GRK5: variants seen among roughly 807,000 people sequenced by gnomAD.
The protein encoded by GRK5 is g protein-coupled receptor kinase GRK5.
A neutral mutation model predicts 78.4 loss-of-function variants in GRK5; 40 were observed. The ratio of observed to expected loss-of-function variants is 0.51; its 90% CI spans 0.40 to 0.66. The LOEUF (loss-of-function observed/expected upper bound fraction) is 0.66. Ranked by LOEUF, GRK5 falls within the 30% of genes least tolerant of loss-of-function variation. GRK5 has a pLI of 0.00. For synonymous variants in GRK5, 289 were observed against 296.8 expected (o/e 0.97, Z 0.27); for missense variants, 598 against 759.9 (o/e 0.79, Z 2.50).
chr10:119,402,506 A>G (rs1852167001), intron 4 of GRK5, among the ~76,000 whole-genome samples: 2 of 152,214 alleles, frequency 1.3e-5, no homozygotes, highest in African/African-American at 4.8e-5. Context: ...AATAATAATA[A>G]TAAGTGAAAA....
chr10:119,438,737 C>T (rs752744871), intron 9 of GRK5, among the ~76,000 whole-genome samples: 1 of 152,262 alleles, frequency 6.6e-6, no homozygotes, highest in Non-Finnish European at 1.5e-5. Flanking sequence ...AGTGAGCTGC[C>T]ATGCTAGCCT....
chr10:119,394,229 TGG>T (rs1851949620), intron 3 of GRK5, among the ~76,000 whole-genome samples: 1 of 145,474 alleles, frequency 6.9e-6, no homozygotes, highest in African/African-American at 2.5e-5. Flanking sequence ...CGTGTGGGTG[TGG>T]GTGTGTGGGT....
At chr10:119,439,490 C>T (rs1467301589) in intron 9 of GRK5, among the ~76,000 whole-genome samples, 1 of 152,254 alleles carries the variant, frequency 6.6e-6, no homozygotes, top group Non-Finnish European at 1.5e-5. Flanking sequence ...CTAACTTTCC[C>T]AGTCACCCTC....
intron 2 of GRK5, among the ~76,000 whole-genome samples, chr10:119,365,389 T>C (rs947597698): frequency 2.0e-5 from 3 of 152,186 alleles, no homozygotes; most frequent in African/African-American, 7.2e-5. Context: ...GAGACAGCCC[T>C]TGAAGATTTA....
intron 1 of GRK5, among the ~76,000 whole-genome samples, chr10:119,288,984 A>G (rs1441109706): frequency 2.0e-5 from 3 of 152,130 alleles, no homozygotes; most frequent in African/African-American, 7.2e-5. Context: ...GAGTCTGTTT[A>G]TTTTTCAAGA....
At chr10:119,425,722 G>A (rs919231771) in intron 6 of GRK5, among the ~76,000 whole-genome samples, 4 of 152,236 alleles carry the variant, frequency 2.6e-5, no homozygotes, top group African/African-American at 9.6e-5. Context: ...CTTCCTTGTT[G>A]CTTATTTTCT....
At chr10:119,268,162 G>C (rs75529647) in intron 1 of GRK5, among the ~76,000 whole-genome samples, 3,011 of 152,328 alleles carry the variant, frequency 0.02, 57 homozygotes, top group Admixed American at 0.052. Flanking sequence ...GAAATTTTCT[G>C]TATTGGTTGT....
At chr10:119,309,979 T>C (rs1028353163) in intron 1 of GRK5, among the ~76,000 whole-genome samples, 1 of 152,130 alleles carries the variant, frequency 6.6e-6, no homozygotes, top group African/African-American at 2.4e-5. Context: ...GCCCAGAGAC[T>C]GTGGAGGTGG....
chr10:119,215,592 A>T, intron 1 of GRK5, among the ~76,000 whole-genome samples: 1 of 148,796 alleles, frequency 6.7e-6, no homozygotes, highest in South Asian at 2.2e-4. Flanking sequence ...GGACTGACTC[A>T]CCTAAGAGGA....
chr10:119,208,782 TCTTC>T (rs766974503), intron 1 of GRK5: 2 of 152,188 alleles, frequency 1.3e-5, no homozygotes, highest in Non-Finnish European at 2.9e-5. Flanking sequence ...ATATTTTGAC[TCTTC>T]CTTTTGATGA....
At chr10:119,289,362 G>A (rs1055298162) in intron 1 of GRK5, among the ~76,000 whole-genome samples, 1 of 152,146 alleles carries the variant, frequency 6.6e-6, no homozygotes, top group Admixed American at 6.5e-5. Flanking sequence ...CCAGCTAAGG[G>A]CTGTAAACAA....
At position 119,273,958 on chromosome 10, in the gene GRK5, G is replaced by A. The variant is rs192798498; in HGVS notation, c.53-52558G>A. Among the ~76,000 whole-genome samples the A allele has an allele frequency of 3.2e-3, 488 of 152,292 alleles. 1 individual carries two copies. The highest frequency in any genetic ancestry group is 0.011 in the African/African-American group (451 of 41,572). ...CTGGCTAATTTTTGTATTTTTAGTA[G>A]AGACAGGGTTTCACCATGTTGGCCA... On this transcript the variant is annotated intron_variant, in intron 1 of 15. Transcript: ENST00000392870.
chr10:119,269,022 C>T (rs1849545323), intron 1 of GRK5, among the ~76,000 whole-genome samples: 1 of 152,254 alleles, frequency 6.6e-6, no homozygotes, highest in South Asian at 2.1e-4. Flanking sequence ...CTGTCACAGG[C>T]AGATGACATC....
intron 2 of GRK5, among the ~76,000 whole-genome samples, chr10:119,355,084 A>G (rs555775852): frequency 6.6e-6 from 1 of 152,362 alleles, no homozygotes; most frequent in African/African-American, 2.4e-5. Context: ...TGTAAATGCT[A>G]TATAAATAGT....
At chr10:119,249,764 A>G (rs528997681) in intron 1 of GRK5, among the ~76,000 whole-genome samples, 13 of 152,244 alleles carry the variant, frequency 8.5e-5, no homozygotes, top group African/African-American at 1.9e-4. Context: ...GCCTCCCAAA[A>G]TGCTGGGATT....
chr10:119,254,969 T>C (rs1849256661), intron 1 of GRK5, among the ~76,000 whole-genome samples: 1 of 146,346 alleles, frequency 6.8e-6, no homozygotes, highest in Admixed American at 7.0e-5. Context: ...GCAGGAGAAT[T>C]GCTTTAACCC....
intron 2 of GRK5, among the ~76,000 whole-genome samples, chr10:119,343,452 A>C (rs186906804): frequency 3.4e-4 from 52 of 152,340 alleles, no homozygotes; most frequent in African/African-American, 1.2e-3. Flanking sequence ...TTTAGGGATG[A>C]CGATGCAGAG....
intron 2 of GRK5, among the ~76,000 whole-genome samples, chr10:119,327,686 C>A (rs531064577): frequency 1.3e-5 from 2 of 152,298 alleles, no homozygotes; most frequent in South Asian, 4.1e-4. Flanking sequence ...GGGGGACTTA[C>A]CTGCCACCCC....
chr10:119,244,900 A>G (rs1453673866), intron 1 of GRK5, among the ~76,000 whole-genome samples: 2 of 152,232 alleles, frequency 1.3e-5, no homozygotes, highest in Non-Finnish European at 2.9e-5. Context: ...GTCAGCTACT[A>G]TGGAAAATAG....
Sources: allele counts gnomAD v4.1 joint callset (sites outside exome capture counted in the v4.1 genomes callset), GRCh38; gene constraint gnomAD v4.1.1; transcripts MANE v1.5; gene names NCBI Gene and HGNC (gene_info 2026-07-23, HGNC 2026-07-21).